PUS7: variants seen among roughly 807,000 people sequenced by gnomAD.
PUS7 encodes pseudouridine synthase 7.
Under a neutral mutation model 79.8 loss-of-function variants are expected in PUS7, and 48 were observed. The ratio of observed to expected loss-of-function variants is 0.60; its 90% CI spans 0.48 to 0.76. The LOEUF is 0.76. Among genes scored for constraint, PUS7 ranks in the 30% least tolerant of loss-of-function variants. PUS7 has a pLI of 0.00. For missense variants in PUS7, 729 were observed against 797.6 expected (o/e 0.91, Z 1.04); for synonymous variants, 286 against 272.2 (o/e 1.05, Z -0.50).
At chr7:105,512,724 C>A (rs1203450606) in intron 1 of PUS7, among the ~76,000 whole-genome samples, 1 of 152,146 alleles carries the variant, frequency 6.6e-6, no homozygotes, top group Non-Finnish European at 1.5e-5. Flanking sequence ...GAAAACCAGA[C>A]CAGCACTGAA....
rs192700975 is a variant in PUS7 at position 105,475,664 on chromosome 7, C to T, written c.1176-3471G>A. ...CTTACTTTATCTTTCCTTCTTCTACCTTCTTTTATTTTATTGTGGTAAAAT... is the reference window on the plus strand; with the variant it reads ...CTTACTTTATCTTTCCTTCTTCTACTTTCTTTTATTTTATTGTGGTAAAAT... On this transcript the variant is annotated intron_variant, in intron 9 of 15. Transcript: ENST00000469408. Among the ~76,000 whole-genome samples, 387 of 152,180 alleles carry T rather than the reference C, an allele frequency of 2.5e-3. 3 individuals carry two copies. The highest frequency in any genetic ancestry group is 8.8e-3 in the African/African-American group (364 of 41,540).
intron 1 of PUS7, among the ~76,000 whole-genome samples, chr7:105,518,303 C>T (rs957638950): frequency 2.0e-5 from 3 of 151,714 alleles, no homozygotes; most frequent in Admixed American, 6.6e-5. Context: ...ACAGAAAGAC[C>T]CTGTCTCAAA....
chr7:105,475,237 G>A (rs1053574340), intron 9 of PUS7, among the ~76,000 whole-genome samples: 1 of 152,118 alleles, frequency 6.6e-6, no homozygotes, highest in Non-Finnish European at 1.5e-5. Flanking sequence ...CCAGGCTAGA[G>A]TGCAGTGGCA....
intron 1 of PUS7, among the ~76,000 whole-genome samples, chr7:105,518,052 A>AGCTACT (rs1355578178): frequency 3.3e-5 from 5 of 151,992 alleles, no homozygotes; most frequent in African/African-American, 1.2e-4. Flanking sequence ...GGAGGCTGAG[A>AGCTACT]CAGGAGAATC....
rs377596956 is a variant in PUS7 at position 105,510,029 on chromosome 7, G to A, written c.-32-1485C>T. On this transcript the variant is annotated intron_variant, in intron 1 of 15. Transcript: ENST00000469408. ...ACTGATTAATATTGTGGCCGGGATC[G>A]GTGGCTCACACCTGTAATCCCAATA... 5.6e-4 allele frequency among the ~76,000 whole-genome samples: 85 copies of A among 152,186 alleles called. No homozygotes were observed. In the Middle Eastern group the frequency reaches 0.01, roughly 18 times the overall value.
intron 14 of PUS7, among the ~76,000 whole-genome samples, chr7:105,460,853 C>CGAA (rs1823397217): frequency 1.2e-5 from 1 of 83,564 alleles, no homozygotes; most frequent in African/African-American, 4.8e-5. Context: ...GACTCCGTCT[C>CGAA]AAAAAAAAAA....
At chr7:105,462,791 C>T (rs758404917) in intron 13 of PUS7, 41 bp from the exon 14 acceptor site, 6 of 1,586,880 alleles carry the variant, frequency 3.8e-6, no homozygotes, top group South Asian at 3.4e-5. Flanking sequence ...TGCAGCTTGT[C>T]AGTCAAGTTA....
At chr7:105,475,734 T>A (rs2133103560) in intron 9 of PUS7, among the ~76,000 whole-genome samples, 1 of 152,274 alleles carries the variant, frequency 6.6e-6, no homozygotes, top group East Asian at 1.9e-4. Flanking sequence ...AAGTATACAG[T>A]TCTGTGGCAT....
intron 9 of PUS7, among the ~76,000 whole-genome samples, chr7:105,479,894 A>C (rs1447054677): frequency 6.6e-6 from 1 of 152,208 alleles, no homozygotes; most frequent in Non-Finnish European, 1.5e-5. Context: ...GTTACGTGGG[A>C]GGCTGAGGCA....
intron 5 of PUS7, among the ~76,000 whole-genome samples, chr7:105,497,487 A>T: frequency 6.6e-6 from 1 of 152,344 alleles, no homozygotes; most frequent in East Asian, 1.9e-4. Flanking sequence ...AAAACAGCTA[A>T]GTTCTTTATA....
Position 105,467,678 on chromosome 7 carries a change from C to T in PUS7, c.1525+659G>A, listed in dbSNP as rs533215509. Among the ~76,000 whole-genome samples the T allele has an allele frequency of 7.2e-5, 11 of 152,056 alleles. No homozygotes were observed. In the South Asian group the frequency reaches 2.3e-3, roughly 32 times the overall value. Reference sequence around the variant, plus strand: ...TAGATCGAAGTTTCGAAAGTGATTTCAGCCATCCATTTAGCCCAAATCCTA... The same window carrying T: ...TAGATCGAAGTTTCGAAAGTGATTTTAGCCATCCATTTAGCCCAAATCCTA... On this transcript the variant is annotated intron_variant, in intron 12 of 15. Coordinates refer to ENST00000469408, the MANE Select transcript of PUS7 (RefSeq NM_019042.5).
chr7:105,466,689 C>T (rs1823655196), intron 12 of PUS7, among the ~76,000 whole-genome samples: 3 of 151,146 alleles, frequency 2.0e-5, no homozygotes, highest in Admixed American at 2.0e-4. Context: ...TTTGAAAAGC[C>T]ACCATACTAC....
intron 13 of PUS7, 87 bp downstream of exon 13, chr7:105,465,226 T>C: frequency 1.1e-6 from 1 of 944,370 alleles, no homozygotes. Context: ...GAGACTGTCA[T>C]AAATAACCAA....
At chr7:105,471,820 G>C (rs527264935) in intron 10 of PUS7, among the ~76,000 whole-genome samples, 2 of 151,298 alleles carry the variant, frequency 1.3e-5, no homozygotes, top group Non-Finnish European at 2.9e-5. Context: ...GCTGAGGCAG[G>C]AGAATCACTT....
chr7:105,517,290 G>T (rs965865601), intron 1 of PUS7, among the ~76,000 whole-genome samples: 2 of 152,100 alleles, frequency 1.3e-5, no homozygotes, highest in Non-Finnish European at 2.9e-5. Flanking sequence ...CCAAGTAGCT[G>T]AGAGTACATA....
chr7:105,459,095 CA>C (rs949535974), intron 15 of PUS7, 72 bp downstream of exon 15: 740 of 969,262 alleles, frequency 7.6e-4, no homozygotes, highest in South Asian at 1.6e-3. Flanking sequence ...GAGCAGTTTT[CA>C]AAAAAAAATT....
intron 1 of PUS7, among the ~76,000 whole-genome samples, chr7:105,513,135 T>G (rs1303731992): frequency 6.6e-6 from 1 of 152,154 alleles, no homozygotes; most frequent in Non-Finnish European, 1.5e-5. Flanking sequence ...ACTCATCACA[T>G]TGTGTCACAC....
At chr7:105,485,992 C>T (rs1247122277) in intron 7 of PUS7, among the ~76,000 whole-genome samples, 1 of 151,916 alleles carries the variant, frequency 6.6e-6, no homozygotes, top group Non-Finnish European at 1.5e-5. Context: ...GGATTACCGG[C>T]GTGAGCCACT....
chr7:105,480,900 G>A (rs1824293805), intron 9 of PUS7, 152 bp downstream of exon 9: 2 of 847,382 alleles, frequency 2.4e-6, no homozygotes, highest in Non-Finnish European at 3.5e-6. Flanking sequence ...TTTTTACCCT[G>A]TGCACTCATT....
Sources: gnomAD v4.1 joint callset for allele counts (sites outside exome capture counted in the v4.1 genomes callset) on GRCh38, gnomAD v4.1.1 for gene constraint, MANE v1.5 for transcripts, NCBI Gene and HGNC (gene_info 2026-07-23, HGNC 2026-07-21) for gene names.